The following CACNA1C variants were observed in gnomAD, a reference collection of about 807,000 sequenced individuals.
CACNA1C encodes the protein calcium voltage-gated channel subunit alpha1 C.
A neutral mutation model predicts 229.0 loss-of-function variants in CACNA1C; 30 were observed. The observed-to-expected ratio is 0.13, with a 90% CI of 0.10 to 0.18. The LOEUF (loss-of-function observed/expected upper bound fraction) is 0.18, where lower values mean the gene tolerates loss of function less well. CACNA1C is among the 10% of genes least tolerant of loss of function. The pLI is 1.00. For synonymous variants in CACNA1C, 1,114 were observed against 1,132.5 expected (o/e 0.98, Z 0.33); for missense variants, 1,658 against 2,845.0 (o/e 0.58, Z 9.49).
intron 3 of CACNA1C, among the ~76,000 whole-genome samples, chr12:2,237,522 TGACA>T (rs2067900450): frequency 1.3e-5 from 2 of 152,232 alleles, no homozygotes; most frequent in African/African-American, 4.8e-5. Context: ...CGTGATGTCT[TGACA>T]GGCAGCTTTC....
chr12:2,673,211 C>T (rs534628084), intron 38 of CACNA1C, among the ~76,000 whole-genome samples: 92 of 152,294 alleles, frequency 6.0e-4, no homozygotes, highest in Non-Finnish European at 1.0e-3. Context: ...CACGGTGGCT[C>T]ACACATGTAA....
intron 3 of CACNA1C, among the ~76,000 whole-genome samples, chr12:2,256,884 A>G (rs1026430213): frequency 1.1e-4 from 16 of 152,222 alleles, no homozygotes; most frequent in Non-Finnish European, 2.4e-4. Flanking sequence ...CTTTTAAAAT[A>G]GTAAATGGAT....
At position 2,565,117 on chromosome 12, in the gene CACNA1C, C is replaced by G. The variant is rs546384259; in HGVS notation, c.1509-1305C>G. ...TTAAAATGTGTTTCTTTAGGATCAT[C>G]TTAGCCACTGGTTCTCAACCATCAT... On this transcript the variant is annotated intron_variant, in intron 11 of 46. Coordinates refer to ENST00000399655, the MANE Select transcript of CACNA1C (RefSeq NM_000719.7). Among the ~76,000 whole-genome samples, 23 of 152,328 alleles carry G rather than the reference C, an allele frequency of 1.5e-4. No individual in the cohort carries two copies. The East Asian group carries it at 4.4e-3, about 29-fold the overall frequency.
In CACNA1C at chr12:2,457,621, C is replaced by T. The variant is rs868024886; in HGVS notation, c.672C>T (p.Leu224=). 13 of 1,613,262 alleles carry T rather than the reference C, an allele frequency of 8.1e-6. No homozygotes were observed. The highest frequency in any genetic ancestry group is 4.4e-5 in the South Asian group (4 of 90,966). The change falls in exon 5 of 47, where the codon CTC becomes CTT. Residue 224 remains leucine, a synonymous_variant. Transcript: ENST00000399655. ...CCAAAGCAGATGGGGCAAACGCTCT[C>T]GGAGGGAAAGGGGCCGGATTTGATG... ...QATKADGANA[L]GGKGAGFDVK...
chr12:2,349,293 G>A (rs1488577404), intron 3 of CACNA1C, among the ~76,000 whole-genome samples: 1 of 152,216 alleles, frequency 6.6e-6, no homozygotes, highest in African/African-American at 2.4e-5. Flanking sequence ...ACCTTGGTGT[G>A]GAAAGTGGCC....
intron 1 of CACNA1C, among the ~76,000 whole-genome samples, chr12:2,070,505 T>C (rs2060793742): frequency 1.3e-5 from 2 of 152,246 alleles, no homozygotes; most frequent in South Asian, 4.1e-4. Context: ...AATTTTCTTT[T>C]ATTCCTTTTG....
chr12:2,198,309 C>G (rs950916555), intron 3 of CACNA1C, among the ~76,000 whole-genome samples: 4 of 152,178 alleles, frequency 2.6e-5, no homozygotes, highest in Non-Finnish European at 4.4e-5. Flanking sequence ...GCCTCTGCCT[C>G]CCCCCGGAGA....
intron 9 of CACNA1C, among the ~76,000 whole-genome samples, chr12:2,536,315 T>C (rs1385320847): frequency 6.6e-6 from 1 of 152,198 alleles, no homozygotes; most frequent in Non-Finnish European, 1.5e-5. Flanking sequence ...AGTAAAACTC[T>C]GACTTCCGTA....
rs991208772 is a variant in CACNA1C at position 2,053,239 on chromosome 12, C to A, written c.-324C>A. The A allele has an allele frequency of 1.9e-5, 20 of 1,042,070 alleles. No homozygotes were observed. Among genetic ancestry groups the A allele is most frequent in the Non-Finnish European group, 2.3e-6 (2 of 866,972 alleles). The allele number at this position is 1,042,070 out of a possible 1,614,324, so 64.6% of individuals were successfully genotyped here. On this transcript the variant is annotated 5_prime_UTR_variant, in exon 1 of 47. Transcript: ENST00000399655. This position sits in a 1 kb window ranked among gnomAD's most constrained non-coding sequence, Gnocchi z 5.8. ...CTCCTCTCCGCCTCTTCTCGCCCTGCCTCTCCCGATTTATTTTTTCAAATG... is the reference window on the plus strand; with the variant it reads ...CTCCTCTCCGCCTCTTCTCGCCCTGACTCTCCCGATTTATTTTTTCAAATG...
chr12:2,499,692 A>T (rs1297924659), intron 7 of CACNA1C, among the ~76,000 whole-genome samples: 1 of 152,142 alleles, frequency 6.6e-6, no homozygotes, highest in East Asian at 1.9e-4. Context: ...GGCTACAGAC[A>T]ATGAGCTGAC....
At chr12:2,449,879 G>A (rs1444120721) in intron 4 of CACNA1C, among the ~76,000 whole-genome samples, 3 of 152,148 alleles carry the variant, frequency 2.0e-5, no homozygotes, top group Non-Finnish European at 2.9e-5. Context: ...GGTGAGGGTG[G>A]GGCGCACACA....
intron 11 of CACNA1C, among the ~76,000 whole-genome samples, chr12:2,560,043 ACTGCCCATCTCAGTCTGGACTGAC>A (rs1417298244): frequency 6.6e-6 from 1 of 152,116 alleles, no homozygotes; most frequent in African/African-American, 2.4e-5. Context: ...TTTTTCCCTT[ACTGCCCATCTCAGTCTGGACTGAC>A]CATGTTTCCC....
intron 1 of CACNA1C, among the ~76,000 whole-genome samples, chr12:2,041,267 A>ATTG (rs2050023838): frequency 2.0e-5 from 2 of 99,382 alleles, no homozygotes; most frequent in African/African-American, 9.8e-5. Context: ...TGCTAAGGGT[A>ATTG]TTCTTTTTTT....
chr12:2,001,613 C>G (rs1342270067), intron 1 of CACNA1C, among the ~76,000 whole-genome samples: 1 of 152,220 alleles, frequency 6.6e-6, no homozygotes, highest in East Asian at 1.9e-4. Context: ...CCAAATCTCT[C>G]TTCATCATGC....
Position 2,321,204 on chromosome 12 carries a change from C to T in CACNA1C, c.478-127772C>T, listed in dbSNP as rs535368448. 2.6e-4 allele frequency among the ~76,000 whole-genome samples: 39 copies of T among 152,008 alleles called. No homozygotes were observed. In the South Asian group the frequency reaches 7.7e-3, roughly 30 times the overall value. On this transcript the variant is annotated intron_variant, in intron 3 of 46. Transcript: ENST00000399655. ...TGTCCAGGGGAGGGGCTTTTTCTGG[C>T]TTCCAAGGTGGTCGTTGGGGGGGTG...
At chr12:2,122,557 C>T (rs1389798807) in intron 3 of CACNA1C, among the ~76,000 whole-genome samples, 1 of 152,230 alleles carries the variant, frequency 6.6e-6, no homozygotes, top group African/African-American at 2.4e-5. Flanking sequence ...CTCTCTACAG[C>T]ATCTTGAAGC....
chr12:2,183,246 CAA>C (rs74801864), intron 3 of CACNA1C, among the ~76,000 whole-genome samples: 9 of 146,260 alleles, frequency 6.2e-5, no homozygotes, highest in Admixed American at 1.4e-4. Flanking sequence ...ATTCCTGGCT[CAA>C]AAAAAAAAAG....
At chr12:2,105,425 C>T (rs1052891191) in intron 1 of CACNA1C, among the ~76,000 whole-genome samples, 3 of 152,204 alleles carry the variant, frequency 2.0e-5, no homozygotes, top group Admixed American at 1.3e-4. Flanking sequence ...GGGCACCCCA[C>T]CTCTCATGAA....
intron 43 of CACNA1C, 56 bp from the exon 44 acceptor site, chr12:2,685,680 T>C (rs940748219): frequency 4.2e-5 from 55 of 1,322,080 alleles, no homozygotes; most frequent in Non-Finnish European, 5.2e-5. Flanking sequence ...CAGCTGTCCC[T>C]GTGGGTGGCC....
Sources: allele counts gnomAD v4.1 joint callset (sites outside exome capture counted in the v4.1 genomes callset), GRCh38; gene constraint gnomAD v4.1.1; non-coding constraint Gnocchi (gnomAD v3.1); transcripts MANE v1.5; gene names NCBI Gene and HGNC (gene_info 2026-07-23, HGNC 2026-07-21).